The following PGBD2 variants were observed in gnomAD, a reference collection of about 807,000 sequenced individuals.
PGBD2 encodes piggyBac transposable element-derived protein 2.
Under a neutral mutation model 8.1 loss-of-function variants are expected in PGBD2, and 6 were observed. That is an observed-to-expected ratio of 0.74 (90% CI 0.40 to 1.46). The LOEUF (loss-of-function observed/expected upper bound fraction) is 1.46, where lower values mean the gene tolerates loss of function less well. Among genes scored for constraint, PGBD2 ranks in the 40% most tolerant of loss-of-function variants. The pLI is 0.02. For missense variants in PGBD2, 802 were observed against 739.0 expected (o/e 1.09, Z -0.99); for synonymous variants, 318 against 272.2 (o/e 1.17, Z -1.66).
At chr1:248,884,105 T>G in the PGBD2 span, among the ~76,000 whole-genome samples, 1 of 152,230 alleles carries the variant, frequency 6.6e-6, no homozygotes, top group African/African-American at 2.4e-5. Context: ...TTAATTTTTG[T>G]AATTAGGTAG....
chr1:248,909,691 T>C (rs564667094), intron 1 of PGBD2, among the ~76,000 whole-genome samples: 5 of 152,200 alleles, frequency 3.3e-5, no homozygotes, highest in African/African-American at 1.2e-4. Flanking sequence ...GAAGACTTGA[T>C]TGGAAGCTTG....
At chr1:248,887,630 T>A in the PGBD2 span, among the ~76,000 whole-genome samples, 14 of 152,294 alleles carry the variant, frequency 9.2e-5, no homozygotes, top group African/African-American at 3.4e-4. Context: ...AATGCTCCAG[T>A]CTGGACAAGA....
At chr1:248,903,092 T>G (rs1043585564), upstream of PGBD2, among the ~76,000 whole-genome samples, 1 of 151,334 alleles carries the variant, frequency 6.6e-6, no homozygotes, top group Non-Finnish European at 1.5e-5. Flanking sequence ...CAAACTTCTG[T>G]GCTCAAATGA....
At chr1:248,912,372 C>T (rs1460163539) in intron 1 of PGBD2, among the ~76,000 whole-genome samples, 2 of 152,214 alleles carry the variant, frequency 1.3e-5, no homozygotes, top group South Asian at 2.1e-4. Context: ...CTAACACTTT[C>T]TAAATCTGTT....
At chr1:248,907,731 A>G (rs6685913) in intron 1 of PGBD2, among the ~76,000 whole-genome samples, 26 of 152,262 alleles carry the variant, frequency 1.7e-4, no homozygotes, top group African/African-American at 5.8e-4. Context: ...CCTTGATTCC[A>G]TACAACACAT....
At chr1:248,891,986 C>T in the PGBD2 span, among the ~76,000 whole-genome samples, 9 of 152,154 alleles carry the variant, frequency 5.9e-5, no homozygotes, top group Admixed American at 2.6e-4. Context: ...AAAAAGGCGT[C>T]GCCTGTGTCA....
At chr1:248,887,201 A>G in the PGBD2 span, among the ~76,000 whole-genome samples, 1 of 152,208 alleles carries the variant, frequency 6.6e-6, no homozygotes, top group Admixed American at 6.5e-5. Flanking sequence ...GAAAGTTATC[A>G]CTGATACAAC....
At chr1:248,909,605 T>C (rs1247939827) in intron 1 of PGBD2, among the ~76,000 whole-genome samples, 3 of 152,190 alleles carry the variant, frequency 2.0e-5, no homozygotes, top group African/African-American at 7.2e-5. Context: ...TGTTGCCTTT[T>C]GGGGATACAG....
chr1:248,875,325 A>G, the PGBD2 span, among the ~76,000 whole-genome samples: 48 of 145,516 alleles, frequency 3.3e-4, no homozygotes, highest in Non-Finnish European at 5.0e-4. Context: ...AAAAAAAAAA[A>G]AAAGAAAAGA....
the PGBD2 span, among the ~76,000 whole-genome samples, chr1:248,929,347 T>C: frequency 1.3e-5 from 2 of 152,204 alleles, no homozygotes; most frequent in East Asian, 3.8e-4. Flanking sequence ...ACCACCTTCA[T>C]TCTACCGTGT....
the PGBD2 span, among the ~76,000 whole-genome samples, chr1:248,892,501 G>T: frequency 1.3e-5 from 2 of 151,606 alleles, no homozygotes; most frequent in Admixed American, 1.3e-4. Flanking sequence ...CTGGTTTCTG[G>T]TCTCCTAGTC....
At chr1:248,896,787 G>T in the PGBD2 span, among the ~76,000 whole-genome samples, 1 of 152,208 alleles carries the variant, frequency 6.6e-6, no homozygotes, top group African/African-American at 2.4e-5. Context: ...GACCCATGGA[G>T]AGCAAGGAAA....
At chr1:248,889,382 C>A in the PGBD2 span, among the ~76,000 whole-genome samples, 2 of 151,638 alleles carry the variant, frequency 1.3e-5, no homozygotes, top group South Asian at 4.2e-4. Context: ...GAGACTTCTC[C>A]GTCTCAAAAA....
chr1:248,892,422 T>C, the PGBD2 span, among the ~76,000 whole-genome samples: 1 of 151,882 alleles, frequency 6.6e-6, no homozygotes, highest in African/African-American at 2.4e-5. Context: ...TCTGAGTTAG[T>C]TACAGGACAA....
the PGBD2 span, among the ~76,000 whole-genome samples, chr1:248,884,347 G>GTT: frequency 6.8e-6 from 1 of 147,394 alleles, no homozygotes; most frequent in Non-Finnish European, 1.5e-5. Flanking sequence ...TTTTGTTTGT[G>GTT]TTTTTTTTTT....
the PGBD2 span, among the ~76,000 whole-genome samples, chr1:248,895,202 T>C: frequency 6.6e-6 from 1 of 152,152 alleles, no homozygotes; most frequent in African/African-American, 2.4e-5. Flanking sequence ...GTTTGGGAAC[T>C]TAACAAAGAG....
At chr1:248,873,893 G>T in the PGBD2 span, among the ~76,000 whole-genome samples, 1 of 152,228 alleles carries the variant, frequency 6.6e-6, no homozygotes, top group Non-Finnish European at 1.5e-5. Flanking sequence ...CAGACTCAAG[G>T]TAAGCACCTT....
rs776915752 is a variant in PGBD2 at position 248,916,933 on chromosome 1, A to G, written c.349A>G (p.Ile117Val). The change falls in exon 3 of 3, where the codon ATT becomes GTT. Residue 117 changes from isoleucine (I) to valine (V), a missense_variant. Transcript: ENST00000329291. ...TCAGCGCATTTGGACCAAAAGAGATATTCGTCCAGACTTTGGCAGTTGGAC... is the reference window on the plus strand; with the variant it reads ...TCAGCGCATTTGGACCAAAAGAGATGTTCGTCCAGACTTTGGCAGTTGGAC... ...KPQRIWTKRD[I>V]RPDFGSWTAS... is the part of the protein sequence containing the mutation. The G allele has an allele frequency of 6.2e-7, 1 of 1,613,874 alleles. No individual in the cohort carries two copies. The highest frequency in any genetic ancestry group is 1.7e-5 in the Admixed American group (1 of 59,994).
chr1:248,874,294 C>T, the PGBD2 span, among the ~76,000 whole-genome samples: 2 of 152,174 alleles, frequency 1.3e-5, no homozygotes, highest in African/African-American at 4.8e-5. Flanking sequence ...ACCGCCGCGG[C>T]CCGGGTTCGA....
Sources: gnomAD v4.1 joint callset for allele counts (sites outside exome capture counted in the v4.1 genomes callset) on GRCh38, gnomAD v4.1.1 for gene constraint, MANE v1.5 for transcripts, NCBI Gene and HGNC (gene_info 2026-07-23, HGNC 2026-07-21) for gene names.